Variants in RTN3 observed in about 807,000 individuals in gnomAD.
RTN3 encodes the protein reticulon 3, also known as reticulon-3.
Under a neutral mutation model 77.8 loss-of-function variants are expected in RTN3, and 49 were observed. The observed-to-expected ratio is 0.63, with a 90% confidence interval of 0.50 to 0.80. The LOEUF is 0.80. Ranked by LOEUF, RTN3 falls within the 30% of genes least tolerant of loss-of-function variation. The probability of loss-of-function intolerance (pLI) is 0.00; values close to 1 mark genes in which losing one functional copy is unlikely to be tolerated. For missense variants in RTN3, 1,236 were observed against 1,211.9 expected, an observed-to-expected ratio of 1.02 and a Z score of -0.29; for synonymous variants, 464 against 446.9, an observed-to-expected ratio of 1.04 and a Z score of -0.48.
chr11:63,735,550 T>TCTCTCTCTCTCTCTC (rs2013032879), intron 3 of RTN3, among the ~76,000 whole-genome samples: 4 of 42,734 alleles, frequency 9.4e-5, no homozygotes, highest in Admixed American at 3.7e-4. Context: ...ATTCTAACAT[T>TCTCTCTCTCTCTCTC]TCTCTCTCTC....
intron 1 of RTN3, among the ~76,000 whole-genome samples, chr11:63,683,741 C>T (rs1437297958): frequency 6.6e-6 from 1 of 152,042 alleles, no homozygotes; most frequent in African/African-American, 2.4e-5. Context: ...CTACCCTTGT[C>T]ACAATTTTTA....
intron 3 of RTN3, among the ~76,000 whole-genome samples, chr11:63,732,111 G>GA (rs911721759): frequency 5.3e-5 from 8 of 151,916 alleles, no homozygotes; most frequent in Admixed American, 4.6e-4. Context: ...ACAAACAATA[G>GA]AAAAAATTAA....
Position 63,752,513 on chromosome 11 carries a change from C to T in RTN3, c.2745C>T (p.Tyr915=). 2.5e-6 allele frequency: 4 copies of T among 1,613,002 alleles called. No individual in the cohort carries two copies. The highest frequency in any genetic ancestry group is 3.4e-6 in the Non-Finnish European group (4 of 1,179,058). The stretch of plus-strand genomic sequence containing the variant: ...TTATTTCTTCTTCTGGAAGAGCCTA[C>T]CTGGACGTAGACATTACTCTGTCCT... ...KSEEGHPFKA[Y]LDVDITLSSE... is the part of the protein sequence containing the mutation. The change falls in exon 5 of 9, where the codon TAC becomes TAT. Residue 915 remains tyrosine, a synonymous_variant. Transcript: ENST00000377819.
intron 8 of RTN3, 113 bp from the exon 9 acceptor site, chr11:63,758,043 C>G: frequency 8.0e-6 from 6 of 747,252 alleles, no homozygotes; most frequent in Non-Finnish European, 1.1e-5. Context: ...GAATGCATTT[C>G]ACATTGCTTA....
At chr11:63,694,501 A>G (rs1293916519) in intron 1 of RTN3, among the ~76,000 whole-genome samples, 1 of 150,908 alleles carries the variant, frequency 6.6e-6, no homozygotes, top group Non-Finnish European at 1.5e-5. Flanking sequence ...AAGACAAGGC[A>G]TGGCTCTGTC....
At chr11:63,701,286 T>C (rs1942225949) in intron 1 of RTN3, among the ~76,000 whole-genome samples, 1 of 152,152 alleles carries the variant, frequency 6.6e-6, no homozygotes, top group Non-Finnish European at 1.5e-5. Context: ...TGGGCCAGTA[T>C]GTTGCCCTTT....
intron 3 of RTN3, among the ~76,000 whole-genome samples, chr11:63,740,617 G>C (rs116722926): frequency 0.021 from 3,227 of 151,262 alleles, 117 homozygotes; most frequent in African/African-American, 0.073. Context: ...TTTTAATAGA[G>C]ATAGGGTCTC....
At chr11:63,751,367 C>CT (rs759866273) in intron 4 of RTN3, among the ~76,000 whole-genome samples, 1 of 152,198 alleles carries the variant, frequency 6.6e-6, no homozygotes, top group African/African-American at 2.4e-5. Context: ...CTCCGTATCT[C>CT]TTACTAGTTT....
intron 1 of RTN3, among the ~76,000 whole-genome samples, chr11:63,697,077 G>A (rs1218884549): frequency 6.7e-6 from 1 of 149,768 alleles, no homozygotes; most frequent in African/African-American, 2.5e-5. Flanking sequence ...GTAGAGATGG[G>A]GTTTCACCAT....
rs1285598017 is a variant in RTN3, at chr11:63,737,142, G to A, written c.2531-12849G>A. On this transcript the variant is annotated intron_variant, in intron 3 of 8. Coordinates refer to ENST00000377819, the MANE Select transcript of RTN3 (RefSeq NM_001265589.2). Reference sequence around the variant, plus strand: ...CGCCGCCATGCCCAGCTCCATCTTAGAATTCCGCCTGCCACAATTCTAACT... The same window carrying A: ...CGCCGCCATGCCCAGCTCCATCTTAAAATTCCGCCTGCCACAATTCTAACT... Among the ~76,000 whole-genome samples the A allele has an allele frequency of 1.8e-4, 27 of 151,904 alleles. 1 individual carries two copies. The highest frequency in any genetic ancestry group is 1.7e-3 in the Admixed American group (26 of 15,254).
chr11:63,758,615 G>GA lies in RTN3; in HGVS notation c.*420dup. The GA allele has an allele frequency of 2.5e-6, 1 of 392,530 alleles. No individual in the cohort carries two copies. Among genetic ancestry groups the GA allele is most frequent in the Non-Finnish European group, 4.5e-6 (1 of 222,880 alleles). The allele number at this position is 392,530 out of a possible 1,614,324, so 24.3% of individuals were successfully genotyped here. ...CCTTAAGAAGTCATGATTAACTTAT[G>GA]AAAAAATTATTTGGGGACAGGAGTG... On this transcript the variant is annotated 3_prime_UTR_variant, in exon 9 of 9. Transcript: ENST00000377819.
In RTN3 at chr11:63,719,790, G is replaced by A; in HGVS notation, c.1288G>A (p.Glu430Lys). 1 of 1,614,132 alleles carries A rather than the reference G, an allele frequency of 6.2e-7. No homozygotes were observed. The highest frequency in any genetic ancestry group is 1.1e-5 in the South Asian group (1 of 91,066). The part of the protein sequence containing the change: ...PVPDSLNSTK[E>K]FSIKGVQGNM... ...ACCTGACTCTTTGAATTCCACAAAA[G>A]AATTCAGTATCAAAGGTGTGCAAGG... is the stretch of plus-strand genomic sequence containing the variant. The change falls in exon 3 of 9, where the codon GAA becomes AAA. Residue 430 changes from glutamate to lysine, a missense_variant. Transcript: ENST00000377819.
At chr11:63,702,299 T>C (rs965827459) in intron 1 of RTN3, among the ~76,000 whole-genome samples, 6 of 150,864 alleles carry the variant, frequency 4.0e-5, no homozygotes, top group African/African-American at 1.5e-4. Flanking sequence ...TGGTTTTGGT[T>C]TTTTTTGTTT....
At position 63,718,919 on chromosome 11, in the gene RTN3, C is replaced by T. The variant is rs749904769; in HGVS notation, c.417C>T (p.Asn139=). 29 of 1,614,064 alleles carry T rather than the reference C, an allele frequency of 1.8e-5. No homozygotes were observed. Among genetic ancestry groups the T allele is most frequent in the African/African-American group, 2.7e-5 (2 of 74,938 alleles). Residue 139 remains asparagine (N), a synonymous_variant, in exon 3 of 9, where the codon AAC becomes AAT. Coordinates refer to ENST00000377819, the MANE Select transcript of RTN3 (RefSeq NM_001265589.2). Reference sequence around the variant, plus strand: ...AAAAGCCTCAGGGGACCAGCAACAACGTATCAGACTCTTCAGTTTCTCTTG... The same window carrying T: ...AAAAGCCTCAGGGGACCAGCAACAATGTATCAGACTCTTCAGTTTCTCTTG... ...KMEKPQGTSN[N]VSDSSVSLAA... is the part of the protein sequence containing the mutation.
intron 3 of RTN3, among the ~76,000 whole-genome samples, chr11:63,736,973 CT>C (rs542211160): frequency 0.03 from 4,196 of 140,578 alleles, 79 homozygotes; most frequent in Non-Finnish European, 0.042. Context: ...TCATAGAATC[CT>C]TTTTTTTTTT....
At chr11:63,721,523 T>C (rs2011800611) in intron 3 of RTN3, among the ~76,000 whole-genome samples, 1 of 145,530 alleles carries the variant, frequency 6.9e-6, no homozygotes, top group African/African-American at 2.6e-5. Flanking sequence ...TGCAGTGAGA[T>C]GAGATCGCGC....
Position 63,719,067 on chromosome 11 carries a change from G to A in RTN3, c.565G>A (p.Gly189Arg), listed in dbSNP as rs2011568273. The A allele has an allele frequency of 6.2e-7, 1 of 1,614,130 alleles. No individual in the cohort carries two copies. The highest frequency in any genetic ancestry group is 8.5e-7 in the Non-Finnish European group (1 of 1,180,014). The change falls in exon 3 of 9, where the codon GGG (glycine) becomes AGG (arginine). Residue 189 changes from glycine to arginine, a missense_variant. Gly to Arg is a moderately radical substitution (Grantham distance 125). Around this residue, in one of 3 missense-constraint regions of RTN3, gnomAD observed 1,056 missense variants for 990.4 expected, o/e 1.07. Transcript: ENST00000377819. ...QIDKETKNPN[G>R]VSSREAKTAL... ...AGATAAAGAGACCAAGAACCCAAAT[G>A]GGGTATCAAGTAGGGAGGCTAAAAC...
chr11:63,705,510 G>T (rs1942456253), intron 2 of RTN3, among the ~76,000 whole-genome samples: 2 of 152,174 alleles, frequency 1.3e-5, no homozygotes, highest in Non-Finnish European at 2.9e-5. Flanking sequence ...CAAAATTGTG[G>T]CTCAGGAAAC....
intron 1 of RTN3, among the ~76,000 whole-genome samples, chr11:63,700,414 T>A (rs942894561): frequency 9.2e-5 from 14 of 151,510 alleles, no homozygotes; most frequent in Non-Finnish European, 2.1e-4. Flanking sequence ...TAGCTGGGAC[T>A]ATAGGCTCAT....
Sources: allele counts gnomAD v4.1 joint callset (sites outside exome capture counted in the v4.1 genomes callset), GRCh38; gene constraint gnomAD v4.1.1; regional missense constraint gnomAD v4.1.1; transcripts MANE v1.5; gene names NCBI Gene and HGNC (gene_info 2026-07-23, HGNC 2026-07-21).